Variants in BCAS3 observed in about 807,000 individuals in gnomAD.
The protein encoded by BCAS3 is BCAS3 microtubule associated cell migration factor.
BCAS3 carries 53 observed loss-of-function variants against 116.1 expected under a neutral mutation model. That is an observed-to-expected ratio of 0.46 (90% confidence interval 0.37 to 0.57). The LOEUF is 0.57. BCAS3 is among the 20% of genes least tolerant of loss of function. The pLI is 0.00. For missense variants in BCAS3, 917 were observed against 1,165.4 expected, an observed-to-expected ratio of 0.79 and a Z score of 3.10; for synonymous variants, 391 against 408.2, an observed-to-expected ratio of 0.96 and a Z score of 0.51.
At chr17:60,767,498 C>G (rs1568205673) in intron 6 of BCAS3, among the ~76,000 whole-genome samples, 1 of 151,862 alleles carries the variant, frequency 6.6e-6, no homozygotes, top group Non-Finnish European at 1.5e-5. Context: ...GCATACACCA[C>G]CACTCCCGGC....
intron 7 of BCAS3, among the ~76,000 whole-genome samples, chr17:60,815,769 C>G (rs940994694): frequency 5.3e-5 from 8 of 152,166 alleles, no homozygotes; most frequent in African/African-American, 1.9e-4. Context: ...ATGGAGAAAG[C>G]CACACATAAT....
At chr17:61,298,819 T>TTTATTTA (rs1555814152) in intron 22 of BCAS3, among the ~76,000 whole-genome samples, 2 of 98,094 alleles carry the variant, frequency 2.0e-5, no homozygotes, top group Admixed American at 1.7e-4. Context: ...TATTTATTTA[T>TTTATTTA]TTATTATTAT....
In BCAS3 at chr17:61,106,807, T is replaced by G. The variant is rs2074685675; in HGVS notation, c.2425+22243T>G. On this transcript the variant is annotated intron_variant, in intron 22 of 23. Transcript: ENST00000407086. The surrounding 1 kb of genome is among the most constrained non-coding windows in gnomAD (Gnocchi z 4.2). ...TGTCTGATTTTCTATCATTAAACTT[T>G]GAGATCGTTTAGAATTTTTTACCAT... Among the ~76,000 whole-genome samples, 1 of 152,244 alleles carries G rather than the reference T, an allele frequency of 6.6e-6. No homozygotes were observed. Among genetic ancestry groups the G allele is most frequent in the Non-Finnish European group, 1.5e-5 (1 of 68,038 alleles).
chr17:60,757,207 T>C (rs930538337), intron 6 of BCAS3, among the ~76,000 whole-genome samples: 2 of 151,146 alleles, frequency 1.3e-5, no homozygotes, highest in Admixed American at 6.6e-5. Flanking sequence ...AATTAGCCAC[T>C]TGGGGGGCTG....
rs1427454507 is a variant in BCAS3 at position 61,337,729 on chromosome 17, TCTC to T, written c.2426-30594_2426-30592del. ...TAAAGGTCGTTTCTGATCTACTCCC[TCTC>T]CTCTAGCCTTAAAGTGTCCACTAGG... is the stretch of plus-strand genomic sequence containing the variant. On this transcript the variant is annotated intron_variant, in intron 22 of 23. Transcript: ENST00000407086. This position sits in a 1 kb window ranked among gnomAD's most constrained non-coding sequence, Gnocchi z 4.8. Among the ~76,000 whole-genome samples, 1 of 152,112 alleles carries T rather than the reference TCTC, an allele frequency of 6.6e-6. No individual in the cohort carries two copies. The highest frequency in any genetic ancestry group is 1.5e-5 in the Non-Finnish European group (1 of 68,014).
Position 61,013,126 on chromosome 17 carries a change from G to T in BCAS3, c.1487-2625G>T, listed in dbSNP as rs2065221173. Among the ~76,000 whole-genome samples, 1 of 151,734 alleles carries T rather than the reference G, an allele frequency of 6.6e-6. No homozygotes were observed. Among genetic ancestry groups the T allele is most frequent in the Non-Finnish European group, 1.5e-5 (1 of 67,930 alleles). On this transcript the variant is annotated intron_variant, in intron 15 of 23. Coordinates refer to ENST00000407086, the MANE Select transcript of BCAS3 (RefSeq NM_017679.5). This position sits in a 1 kb window ranked among gnomAD's most constrained non-coding sequence, Gnocchi z 4.4. ...TCAAAATCTAGATCATATCCCATTT[G>T]CCCTTTTCCTTGAGCCCTTTTCCAT...
intron 6 of BCAS3, among the ~76,000 whole-genome samples, chr17:60,747,851 ATGT>A (rs1598431181): frequency 6.6e-6 from 1 of 152,060 alleles, no homozygotes; most frequent in African/African-American, 2.4e-5. Flanking sequence ...ATACTTCTTA[ATGT>A]TGTGTTTAAA....
chr17:61,154,565 G>A (rs116730016), intron 22 of BCAS3, among the ~76,000 whole-genome samples: 4,251 of 151,700 alleles, frequency 0.028, 220 homozygotes, highest in African/African-American at 0.098. Flanking sequence ...CCACCCCAGT[G>A]GCTGGGACCA....
intron 14 of BCAS3, among the ~76,000 whole-genome samples, chr17:60,984,602 C>T (rs566508694): frequency 6.6e-6 from 1 of 152,022 alleles, no homozygotes; most frequent in Admixed American, 6.6e-5. Flanking sequence ...TATCCATCAC[C>T]TCAAGCATGT....
rs758533729 is a variant in BCAS3 at position 60,679,408 on chromosome 17, T to C, written c.-5-45T>C. On this transcript the variant is annotated intron_variant, in intron 1 of 23. Transcript: ENST00000407086. ...TCTTCCTCCCTACCCCCAACAACGA[T>C]CCATGTTTTTCTGTTTTTTGTTTGT... The C allele has an allele frequency of 4.8e-6, 7 of 1,450,540 alleles. No individual in the cohort carries two copies. The East Asian group carries it at 1.6e-4, about 33-fold the overall frequency. 89.9% of individuals were successfully genotyped at this position (1,450,540 alleles called of 1,614,324 possible). A position where few individuals can be genotyped will look rare whatever the true frequency, so the allele number is the denominator to read the frequency against.
chr17:61,248,173 A>G lies in BCAS3; in HGVS notation c.2426-120154A>G, dbSNP rs1398934308. On this transcript the variant is annotated intron_variant, in intron 22 of 23. Transcript: ENST00000407086. The surrounding 1 kb of genome is among the most constrained non-coding windows in gnomAD (Gnocchi z 4.3). ...ACTTCTTGGATCCTTTCCCCAACAAAGCCACCAAGGGAACTTCTTCTGATC... is the reference window on the plus strand; with the variant it reads ...ACTTCTTGGATCCTTTCCCCAACAAGGCCACCAAGGGAACTTCTTCTGATC... Among the ~76,000 whole-genome samples, 2 of 152,174 alleles carry G rather than the reference A, an allele frequency of 1.3e-5. No individual in the cohort carries two copies. Among genetic ancestry groups the G allele is most frequent in the African/African-American group, 4.8e-5 (2 of 41,438 alleles).
In BCAS3 at chr17:60,967,644, C is replaced by T. The variant is rs1452497440; in HGVS notation, c.1221+20292C>T. On this transcript the variant is annotated intron_variant, in intron 14 of 23. Coordinates refer to ENST00000407086, the MANE Select transcript of BCAS3 (RefSeq NM_017679.5). This position sits in a 1 kb window ranked among gnomAD's most constrained non-coding sequence, Gnocchi z 4.7. ...TTTTCTACCCTTTAGTCTTATCTCC[C>T]TCTTGAATACCAATAATTCTTAGAT... is the stretch of plus-strand genomic sequence containing the variant. Among the ~76,000 whole-genome samples, 1 of 152,048 alleles carries T rather than the reference C, an allele frequency of 6.6e-6. No individual in the cohort carries two copies. The highest frequency in any genetic ancestry group is 1.5e-5 in the Non-Finnish European group (1 of 67,998).
In BCAS3 at chr17:60,810,590, C is replaced by G. The variant is rs1249451041; in HGVS notation, c.476+2514C>G. ...GAGGACCTGAGGGCTCAGATCTTCC[C>G]AAATACTGTGGACAGTGCCTGCATC... On this transcript the variant is annotated intron_variant, in intron 7 of 23. Coordinates refer to ENST00000407086, the MANE Select transcript of BCAS3 (RefSeq NM_017679.5). The G allele has an allele frequency of 4.0e-6, 3 of 742,220 alleles. No homozygotes were observed. The East Asian group carries it at 8.1e-5, about 20-fold the overall frequency. 46.0% of individuals were successfully genotyped at this position (742,220 alleles called of 1,614,324 possible).
At chr17:60,936,007 C>T (rs1599800592) in intron 13 of BCAS3, among the ~76,000 whole-genome samples, 1 of 151,710 alleles carries the variant, frequency 6.6e-6, no homozygotes, top group Non-Finnish European at 1.5e-5. Context: ...TCCCTCCCCC[C>T]TTCCCCCCAC....
chr17:61,134,873 T>G lies in BCAS3; in HGVS notation c.2425+50309T>G, dbSNP rs2076535046. ...AGATTTCAAATGGTTAATACTCTACTTTTCTCTTAGATTGTTGTTTTGTTT... is the reference window on the plus strand; with the variant it reads ...AGATTTCAAATGGTTAATACTCTACGTTTCTCTTAGATTGTTGTTTTGTTT... On this transcript the variant is annotated intron_variant, in intron 22 of 23. Transcript: ENST00000407086. The surrounding 1 kb of genome is among the most constrained non-coding windows in gnomAD (Gnocchi z 4.6). Among the ~76,000 whole-genome samples the G allele has an allele frequency of 6.6e-6, 1 of 152,208 alleles. No homozygotes were observed. The highest frequency in any genetic ancestry group is 1.5e-5 in the Non-Finnish European group (1 of 68,024).
chr17:60,904,473 A>G (rs115510485), intron 11 of BCAS3, among the ~76,000 whole-genome samples: 1,837 of 152,184 alleles, frequency 0.012, 37 homozygotes, highest in African/African-American at 0.04. Flanking sequence ...TCATACCTCA[A>G]TATTGGGAAC....
chr17:61,373,499 G>A (rs1304066021), intron 23 of BCAS3, among the ~76,000 whole-genome samples: 3 of 150,918 alleles, frequency 2.0e-5, no homozygotes, highest in Non-Finnish European at 2.9e-5. Context: ...GCACGATCTC[G>A]GCTCACTGCA....
chr17:60,742,060 T>G (rs879597486), intron 5 of BCAS3, among the ~76,000 whole-genome samples: 6 of 152,106 alleles, frequency 3.9e-5, no homozygotes, highest in Non-Finnish European at 8.8e-5. Flanking sequence ...AGAAGGTGAA[T>G]ATCACAGAGA....
intron 12 of BCAS3, among the ~76,000 whole-genome samples, chr17:60,921,624 A>AC (rs1353509248): frequency 1.5e-5 from 2 of 134,148 alleles, no homozygotes; most frequent in African/African-American, 8.0e-5. Context: ...AAAAAAAAAA[A>AC]AAAAAAAAAA....
Sources: allele counts gnomAD v4.1 joint callset (sites outside exome capture counted in the v4.1 genomes callset), GRCh38; gene constraint gnomAD v4.1.1; non-coding constraint Gnocchi (gnomAD v3.1); transcripts MANE v1.5; gene names NCBI Gene and HGNC (gene_info 2026-07-23, HGNC 2026-07-21).